The following CFAP20DC variants were observed in gnomAD, a reference collection of about 807,000 sequenced individuals.
CFAP20DC encodes the protein CFAP20 domain containing.
Under a neutral mutation model 101.7 loss-of-function variants are expected in CFAP20DC, and 84 were observed. The observed-to-expected ratio is 0.83, with a 90% CI of 0.69 to 0.99. The LOEUF (loss-of-function observed/expected upper bound fraction) is 0.99, where lower values mean the gene tolerates loss of function less well. Ranked by LOEUF, CFAP20DC falls within the 50% of genes least tolerant of loss-of-function variation. The probability of loss-of-function intolerance (pLI) is 0.00; values close to 1 mark genes in which losing one functional copy is unlikely to be tolerated. For synonymous variants in CFAP20DC, 359 were observed against 351.2 expected, an observed-to-expected ratio of 1.02 and a Z score of -0.25; for missense variants, 1,007 against 970.3, an observed-to-expected ratio of 1.04 and a Z score of -0.50.
rs1053814553 is a variant in CFAP20DC at position 59,007,340 on chromosome 3, T to C, written c.278+32217A>G. Among the ~76,000 whole-genome samples the C allele has an allele frequency of 2.0e-4, 31 of 152,190 alleles. No individual in the cohort carries two copies. Among genetic ancestry groups the C allele is most frequent in the Non-Finnish European group, 4.4e-4 (30 of 68,030 alleles). On this transcript the variant is annotated intron_variant, in intron 4 of 16. Transcript: ENST00000482387. The surrounding 1 kb of genome is among the most constrained non-coding windows in gnomAD (Gnocchi z 4.4). ...ACCTAAGAAACCAGAATACTTCCCC[T>C]GGCCAACTTAAGAGTAAGCTTAGAT...
At chr3:58,822,881 G>A (rs1182293658) in intron 14 of CFAP20DC, among the ~76,000 whole-genome samples, 1 of 152,060 alleles carries the variant, frequency 6.6e-6, no homozygotes, top group Non-Finnish European at 1.5e-5. Flanking sequence ...AACACCCCCT[G>A]GAGCAGGTCA....
At chr3:58,979,687 G>T (rs552804714) in intron 4 of CFAP20DC, among the ~76,000 whole-genome samples, 1 of 152,096 alleles carries the variant, frequency 6.6e-6, no homozygotes, top group Non-Finnish European at 1.5e-5. Context: ...ATTCAACTAC[G>T]AACTGGCTGA....
At chr3:58,743,137 T>C (rs950142183) in intron 16 of CFAP20DC, among the ~76,000 whole-genome samples, 1 of 152,214 alleles carries the variant, frequency 6.6e-6, no homozygotes, top group Non-Finnish European at 1.5e-5. Context: ...TGGCGGGAAG[T>C]CTGCTCAGTG....
chr3:58,898,384 A>T (rs929461197), intron 6 of CFAP20DC, among the ~76,000 whole-genome samples: 1 of 152,124 alleles, frequency 6.6e-6, no homozygotes, highest in Non-Finnish European at 1.5e-5. Context: ...CATGTTGGCC[A>T]GTCTGGTCTG....
intron 6 of CFAP20DC, among the ~76,000 whole-genome samples, chr3:58,887,783 T>C (rs1172244845): frequency 1.3e-5 from 2 of 152,214 alleles, no homozygotes; most frequent in Admixed American, 6.5e-5. Flanking sequence ...TACTGGATTA[T>C]TCTTTGAGGG....
rs142106745 is a variant in CFAP20DC at position 58,788,613 on chromosome 3, C to T, written c.2237+17782G>A. On this transcript the variant is annotated intron_variant, in intron 15 of 16. Coordinates refer to ENST00000482387, the MANE Select transcript of CFAP20DC (RefSeq NM_001394063.1). This position sits in a 1 kb window ranked among gnomAD's most constrained non-coding sequence, Gnocchi z 4.2. ...GGATTGTAGCAACAGCAATGACTAC[C>T]ACCACCACAGTGGAAAACACTTTGA... Among the ~76,000 whole-genome samples, 425 of 152,168 alleles carry T rather than the reference C, an allele frequency of 2.8e-3. 2 individuals are homozygous for T. Among genetic ancestry groups the T allele is most frequent in the African/African-American group, 9.6e-3 (400 of 41,530 alleles).
intron 15 of CFAP20DC, among the ~76,000 whole-genome samples, chr3:58,762,706 T>G (rs953740617): frequency 6.6e-5 from 10 of 152,256 alleles, no homozygotes; most frequent in Non-Finnish European, 1.3e-4. Flanking sequence ...TAGTGCTTCC[T>G]TCAGGAGCTC....
At chr3:58,802,454 G>T (rs2073777177) in intron 15 of CFAP20DC, among the ~76,000 whole-genome samples, 1 of 152,204 alleles carries the variant, frequency 6.6e-6, no homozygotes, top group Non-Finnish European at 1.5e-5. Flanking sequence ...GCCCTAAGAG[G>T]CAATGTTTGG....
intron 4 of CFAP20DC, among the ~76,000 whole-genome samples, chr3:58,999,830 G>T (rs1272178486): frequency 6.8e-6 from 1 of 146,656 alleles, no homozygotes. Context: ...GAGCCAAAAG[G>T]GAGTCACTAA....
chr3:58,812,412 G>A lies in CFAP20DC; in HGVS notation c.2176-5956C>T, dbSNP rs554736423. 2.0e-5 allele frequency among the ~76,000 whole-genome samples: 3 copies of A among 152,100 alleles called. No individual in the cohort carries two copies. The South Asian group carries it at 6.3e-4, about 32-fold the overall frequency. ...GAGTTCATGTCCTTTGTAGGGACAT[G>A]GATGAAATTGGAAATCATCATTCTC... is the stretch of plus-strand genomic sequence containing the variant. On this transcript the variant is annotated intron_variant, in intron 14 of 16. Transcript: ENST00000482387.
chr3:58,856,897 T>C (rs772214837), intron 12 of CFAP20DC, among the ~76,000 whole-genome samples: 5 of 152,188 alleles, frequency 3.3e-5, no homozygotes, highest in African/African-American at 9.7e-5. Flanking sequence ...TCATACACAA[T>C]TGGCAGTGGG....
At chr3:58,939,808 C>T (rs1166694001) in intron 4 of CFAP20DC, among the ~76,000 whole-genome samples, 1 of 148,264 alleles carries the variant, frequency 6.7e-6, no homozygotes, top group African/African-American at 2.5e-5. Flanking sequence ...CCCTTGTCGC[C>T]CAGGCTGGAG....
chr3:58,811,285 C>A (rs540261895), intron 14 of CFAP20DC, among the ~76,000 whole-genome samples: 2 of 152,150 alleles, frequency 1.3e-5, no homozygotes, highest in African/African-American at 4.8e-5. Flanking sequence ...GGAGGCATCA[C>A]GTTACCTGAC....
In CFAP20DC at chr3:58,729,179, T is replaced by C. The variant is rs1419124787; in HGVS notation, c.198-11551A>G. ...CACTCCTGAATTTCTGACCTGTTTATTCTTATTTTAAGCAACTAAGTTTTA... is the reference window on the plus strand; with the variant it reads ...CACTCCTGAATTTCTGACCTGTTTACTCTTATTTTAAGCAACTAAGTTTTA... On this transcript the variant is annotated intron_variant, in intron 3 of 3. Transcript: ENST00000486145. The surrounding 1 kb of genome is among the most constrained non-coding windows in gnomAD (Gnocchi z 4.4). Among the ~76,000 whole-genome samples, 2 of 152,238 alleles carry C rather than the reference T, an allele frequency of 1.3e-5. No individual in the cohort carries two copies. The highest frequency in any genetic ancestry group is 4.8e-5 in the African/African-American group (2 of 41,460).
intron 4 of CFAP20DC, among the ~76,000 whole-genome samples, chr3:59,030,936 G>T (rs1050565783): frequency 1.6e-4 from 24 of 152,098 alleles, no homozygotes; most frequent in Non-Finnish European, 2.8e-4. Context: ...CCATTCTCCT[G>T]CCTCAGCCTC....
Position 58,912,417 on chromosome 3 carries a change from G to A in CFAP20DC, c.550+1291C>T, listed in dbSNP as rs2084245593. The A allele has an allele frequency of 1.1e-5, 2 of 186,306 alleles. No individual in the cohort carries two copies. Among genetic ancestry groups the A allele is most frequent in the Non-Finnish European group, 1.1e-5 (1 of 89,000 alleles). 11.5% of individuals were successfully genotyped at this position (186,306 alleles called of 1,614,324 possible). A position where few individuals can be genotyped will look rare whatever the true frequency, so the allele number is the denominator to read the frequency against. ...CTGTGGTGTGTGATCTCTTTGGAGA[G>A]CTGTTAATACACTGCTGTGCTTTAT... On this transcript the variant is annotated intron_variant, in intron 6 of 16. Coordinates refer to ENST00000482387, the MANE Select transcript of CFAP20DC (RefSeq NM_001394063.1). The surrounding 1 kb of genome is among the most constrained non-coding windows in gnomAD (Gnocchi z 4.4).
intron 15 of CFAP20DC, among the ~76,000 whole-genome samples, chr3:58,757,827 G>A (rs886874770): frequency 6.6e-6 from 1 of 152,020 alleles, no homozygotes; most frequent in Non-Finnish European, 1.5e-5. Flanking sequence ...ATACAATTAA[G>A]AAATTTTTAA....
rs546178318 is a variant in CFAP20DC, at chr3:58,865,097, T to A, written c.1259-1205A>T. Among the ~76,000 whole-genome samples, 230 of 151,370 alleles carry A rather than the reference T, an allele frequency of 1.5e-3. 2 individuals are homozygous for A. Among genetic ancestry groups the A allele is most frequent in the African/African-American group, 5.4e-3 (225 of 41,334 alleles). On this transcript the variant is annotated intron_variant, in intron 11 of 16. Coordinates refer to ENST00000482387, the MANE Select transcript of CFAP20DC (RefSeq NM_001394063.1). ...TTTTCTCAATGTAGTCTTTTTTTTTTAAATTTGCTTTTTTTTTTTTTGCAG... is the reference window on the plus strand; with the variant it reads ...TTTTCTCAATGTAGTCTTTTTTTTTAAAATTTGCTTTTTTTTTTTTTGCAG...
intron 7 of CFAP20DC, among the ~76,000 whole-genome samples, chr3:58,883,961 C>T (rs1233771170): frequency 6.6e-6 from 1 of 152,086 alleles, no homozygotes; most frequent in Non-Finnish European, 1.5e-5. Context: ...ACACTGGCAG[C>T]CCTGACATGT....
Sources: allele counts gnomAD v4.1 joint callset (sites outside exome capture counted in the v4.1 genomes callset), GRCh38; gene constraint gnomAD v4.1.1; non-coding constraint Gnocchi (gnomAD v3.1); transcripts MANE v1.5; gene names NCBI Gene and HGNC (gene_info 2026-07-23, HGNC 2026-07-21).